MINDY3: variants seen among roughly 807,000 people sequenced by gnomAD.
MINDY3 encodes the protein MINDY lysine 48 deubiquitinase 3.
A neutral mutation model predicts 69.2 loss-of-function variants in MINDY3; 38 were observed. The ratio of observed to expected loss-of-function variants is 0.55; its 90% CI spans 0.42 to 0.72. The LOEUF is 0.72. MINDY3 is among the 30% of genes least tolerant of loss of function. MINDY3 has a pLI of 0.00. For missense variants in MINDY3, 522 were observed against 519.0 expected, an observed-to-expected ratio of 1.01 and a Z score of -0.06; for synonymous variants, 192 against 180.1, an observed-to-expected ratio of 1.07 and a Z score of -0.53.
intron 8 of MINDY3, among the ~76,000 whole-genome samples, chr10:15,824,525 G>C (rs1839967154): frequency 6.6e-6 from 1 of 152,136 alleles, no homozygotes; most frequent in African/African-American, 2.4e-5. Context: ...AGAATCTTCA[G>C]GTTAAAGCAA....
At chr10:15,806,898 C>T (rs1295251289) in intron 10 of MINDY3, among the ~76,000 whole-genome samples, 1 of 152,180 alleles carries the variant, frequency 6.6e-6, no homozygotes, top group African/African-American at 2.4e-5. Context: ...TCTACACCTA[C>T]TTCTTCCCTC....
intron 2 of MINDY3, among the ~76,000 whole-genome samples, chr10:15,844,254 A>T (rs1303362493): frequency 1.3e-5 from 2 of 152,196 alleles, no homozygotes; most frequent in Admixed American, 1.3e-4. Context: ...AAAGTCTACA[A>T]ATATGCTAAT....
At chr10:15,843,668 G>A (rs993482331) in intron 2 of MINDY3, among the ~76,000 whole-genome samples, 3 of 152,008 alleles carry the variant, frequency 2.0e-5, no homozygotes, top group Non-Finnish European at 4.4e-5. Flanking sequence ...TATAAAAGTG[G>A]TTCTGTTCCC....
At chr10:15,852,791 T>C (rs111693113) in intron 1 of MINDY3, among the ~76,000 whole-genome samples, 55 of 152,218 alleles carry the variant, frequency 3.6e-4, no homozygotes, top group African/African-American at 1.2e-3. Context: ...TTCATATCCA[T>C]AGGTTTGGCG....
intron 10 of MINDY3, among the ~76,000 whole-genome samples, chr10:15,807,453 AAC>A (rs1051748111): frequency 6.6e-6 from 1 of 152,184 alleles, no homozygotes; most frequent in Non-Finnish European, 1.5e-5. Flanking sequence ...AGCATGTGCA[AAC>A]ACACACAATA....
chr10:15,836,845 C>A (rs754683473), intron 6 of MINDY3, among the ~76,000 whole-genome samples: 2 of 151,490 alleles, frequency 1.3e-5, no homozygotes, highest in Non-Finnish European at 3.0e-5. Context: ...AGAAAACTCA[C>A]ACAGTGATTT....
chr10:15,848,006 T>C, intron 1 of MINDY3, 63 bp from the exon 2 acceptor site: 1 of 1,315,794 alleles, frequency 7.6e-7, no homozygotes, highest in Non-Finnish European at 1.1e-6. Flanking sequence ...AAAAGAATCT[T>C]TCATGTACTT....
chr10:15,821,548 C>T (rs1038734238), intron 9 of MINDY3, 108 bp downstream of exon 9: 23 of 801,328 alleles, frequency 2.9e-5, no homozygotes, highest in Non-Finnish European at 4.1e-5. Context: ...GAGAGCGGTA[C>T]TGAACCATAG....
At chr10:15,782,556 C>T (rs1836630838) in intron 13 of MINDY3, among the ~76,000 whole-genome samples, 1 of 151,990 alleles carries the variant, frequency 6.6e-6, no homozygotes, top group Non-Finnish European at 1.5e-5. Flanking sequence ...TAAAGTATAT[C>T]TCCTTTTCTA....
At chr10:15,817,181 C>T (rs1839432128) in intron 9 of MINDY3, 2 of 310,972 alleles carry the variant, frequency 6.4e-6, no homozygotes, top group Non-Finnish European at 5.8e-6. Context: ...CTATTTAGCC[C>T]TAAGAGTCAT....
Position 15,834,572 on chromosome 10 carries a change from G to T in MINDY3, c.621C>A (p.Pro207=). The change falls in exon 7 of 15, where the codon CCC becomes CCA. Residue 207 remains proline (P), a synonymous_variant. Coordinates refer to ENST00000277632, the MANE Select transcript of MINDY3 (RefSeq NM_024948.4). Reference sequence around the variant, plus strand: ...CATGTCCATATACAGGATCTATCAAGGGTTCACTTGCATCTTCAATTTCGT... The same window carrying T: ...CATGTCCATATACAGGATCTATCAATGGTTCACTTGCATCTTCAATTTCGT... ...IKNEIEDASE[P]LIDPVYGHGS... The T allele has an allele frequency of 6.2e-7, 1 of 1,611,566 alleles. No homozygotes were observed. The highest frequency in any genetic ancestry group is 8.5e-7 in the Non-Finnish European group (1 of 1,178,426).
At chr10:15,845,484 A>C (rs1324839416) in intron 2 of MINDY3, among the ~76,000 whole-genome samples, 2 of 152,096 alleles carry the variant, frequency 1.3e-5, no homozygotes, top group African/African-American at 2.4e-5. Flanking sequence ...AAAATTCTTT[A>C]CAAAGTTTAC....
chr10:15,858,926 T>C (rs761718485), intron 1 of MINDY3, among the ~76,000 whole-genome samples: 3 of 152,062 alleles, frequency 2.0e-5, no homozygotes, highest in Non-Finnish European at 4.4e-5. Flanking sequence ...ACTGACATAA[T>C]TGAATGTGAA....
intron 11 of MINDY3, among the ~76,000 whole-genome samples, chr10:15,791,275 C>T (rs1421185007): frequency 6.6e-6 from 1 of 151,788 alleles, no homozygotes; most frequent in Non-Finnish European, 1.5e-5. Context: ...CAAAAAATTC[C>T]TTAGAAAAAG....
intron 1 of MINDY3, among the ~76,000 whole-genome samples, chr10:15,851,631 TCCA>T (rs2132134401): frequency 6.6e-6 from 1 of 152,136 alleles, no homozygotes; most frequent in African/African-American, 2.4e-5. Context: ...CCATCTCCAG[TCCA>T]CCCTATAGTT....
At chr10:15,815,627 C>A (rs769383451) in intron 10 of MINDY3, among the ~76,000 whole-genome samples, 14 of 152,056 alleles carry the variant, frequency 9.2e-5, no homozygotes, top group Non-Finnish European at 1.9e-4. Flanking sequence ...TACCTATGAT[C>A]CCAGAGATGT....
At chr10:15,807,197 A>G (rs1240556452) in intron 10 of MINDY3, among the ~76,000 whole-genome samples, 1 of 152,204 alleles carries the variant, frequency 6.6e-6, no homozygotes, top group Non-Finnish European at 1.5e-5. Flanking sequence ...CACTCACAGT[A>G]AACTATTACC....
At chr10:15,841,890 T>C (rs534117145) in intron 3 of MINDY3, among the ~76,000 whole-genome samples, 11 of 151,878 alleles carry the variant, frequency 7.2e-5, no homozygotes, top group Non-Finnish European at 1.3e-4. Flanking sequence ...TGATCATCAC[T>C]TTCTTAAAAC....
In MINDY3 at chr10:15,860,490, GT is replaced by G; in HGVS notation, c.-192del. 1.7e-6 allele frequency: 1 copy of G among 602,426 alleles called. No individual in the cohort carries two copies. Among genetic ancestry groups the G allele is most frequent in the East Asian group, 3.0e-5 (1 of 33,854 alleles). 37.3% of individuals were successfully genotyped at this position (602,426 alleles called of 1,614,324 possible). On this transcript the variant is annotated 5_prime_UTR_variant, in exon 1 of 15. Transcript: ENST00000277632. ...TCAAGCCAGGTTGGGGCAGCAGCGA[GT>G]TTTCCGTACCGGAAGTGCTGGTGCC...
Sources: allele counts gnomAD v4.1 joint callset (sites outside exome capture counted in the v4.1 genomes callset), GRCh38; gene constraint gnomAD v4.1.1; transcripts MANE v1.5; gene names NCBI Gene and HGNC (gene_info 2026-07-23, HGNC 2026-07-21).